PHAF1: variants seen among roughly 807,000 people sequenced by gnomAD.
PHAF1 encodes the protein phagosome assembly factor 1.
PHAF1 carries 23 observed loss-of-function variants against 63.1 expected under a neutral mutation model. The ratio of observed to expected loss-of-function variants is 0.36; its 90% CI spans 0.26 to 0.52. The LOEUF (loss-of-function observed/expected upper bound fraction) is 0.52, where lower values mean the gene tolerates loss of function less well. Ranked by LOEUF, PHAF1 falls within the 20% of genes least tolerant of loss-of-function variation. PHAF1 has a pLI of 0.93. For synonymous variants in PHAF1, 167 were observed against 185.0 expected, an observed-to-expected ratio of 0.90 and a Z score of 0.79; for missense variants, 427 against 517.2, an observed-to-expected ratio of 0.83 and a Z score of 1.69.
chr16:67,134,328 C>T (rs764787769), intron 7 of PHAF1, 27 bp from the exon 8 acceptor site: 6 of 1,608,114 alleles, frequency 3.7e-6, no homozygotes, highest in Non-Finnish European at 4.3e-6. Flanking sequence ...AGAACCAAGC[C>T]TCTGCTCATT....
chr16:67,125,377 G>A (rs1963147551), intron 2 of PHAF1, among the ~76,000 whole-genome samples: 1 of 152,150 alleles, frequency 6.6e-6, no homozygotes, highest in South Asian at 2.1e-4. Flanking sequence ...TGGGGGGAGA[G>A]AGAAAAAGGA....
intron 6 of PHAF1, among the ~76,000 whole-genome samples, chr16:67,133,704 C>T (rs369212597): frequency 5.3e-5 from 8 of 150,662 alleles, no homozygotes; most frequent in East Asian, 3.9e-4. Flanking sequence ...GGCGTGAACC[C>T]GGGAGGCGGA....
chr16:67,136,942 G>A (rs1413778051), intron 8 of PHAF1, among the ~76,000 whole-genome samples: 1 of 152,134 alleles, frequency 6.6e-6, no homozygotes, highest in Non-Finnish European at 1.5e-5. Context: ...GGATCACGAG[G>A]TCAGGAGATT....
At chr16:67,110,466 C>T (rs1187547216) in intron 1 of PHAF1, among the ~76,000 whole-genome samples, 1 of 152,130 alleles carries the variant, frequency 6.6e-6, no homozygotes, top group African/African-American at 2.4e-5. Flanking sequence ...GACGGTGGAA[C>T]AGTAGTAGTA....
At chr16:67,120,401 T>C (rs1962924340) in intron 2 of PHAF1, among the ~76,000 whole-genome samples, 1 of 151,824 alleles carries the variant, frequency 6.6e-6, no homozygotes, top group South Asian at 2.1e-4. Flanking sequence ...GGAAGAGCGG[T>C]AGTAATTGAA....
chr16:67,120,885 G>C (rs1962942624), intron 2 of PHAF1, among the ~76,000 whole-genome samples: 1 of 152,092 alleles, frequency 6.6e-6, no homozygotes. Flanking sequence ...GCAAATGACA[G>C]CTTATTTCTG....
At chr16:67,131,214 T>A in intron 3 of PHAF1, 72 bp from the exon 4 acceptor site, 16 of 701,000 alleles carry the variant, frequency 2.3e-5, no homozygotes, top group Non-Finnish European at 3.5e-5. Flanking sequence ...ATTTATTCTA[T>A]AAATGTATTT....
At position 67,145,385 on chromosome 16, in the gene PHAF1, A is replaced by T; in HGVS notation, c.1016A>T (p.Asp339Val). 6.2e-7 allele frequency: 1 copy of T among 1,614,158 alleles called. No individual in the cohort carries two copies. Among genetic ancestry groups the T allele is most frequent in the Non-Finnish European group, 8.5e-7 (1 of 1,180,018 alleles). ...TGTCTTCTCTTTTCAGAAAACGCAGATGGTCAGACAGAAACATGCACGACC... is the reference window on the plus strand; with the variant it reads ...TGTCTTCTCTTTTCAGAAAACGCAGTTGGTCAGACAGAAACATGCACGACC... Reference protein sequence around the residue: ...IPLAIKKENADGQTETCTTYS... With the variant: ...IPLAIKKENAVGQTETCTTYS... The change falls in exon 13 of 16, where the codon GAT (aspartate) becomes GTT (valine). Residue 339 changes from aspartate to valine, a missense_variant. By Grantham distance (152) the Asp-to-Val change is radical. Coordinates refer to ENST00000219139, the MANE Select transcript of PHAF1 (RefSeq NM_025187.5).
chr16:67,133,672 T>C (rs1404798301), intron 6 of PHAF1, among the ~76,000 whole-genome samples: 1 of 150,850 alleles, frequency 6.6e-6, no homozygotes, highest in Non-Finnish European at 1.5e-5. Context: ...CCCAGCTACT[T>C]GGGAGGCTGA....
At position 67,147,306 on chromosome 16, in the gene PHAF1, AT is replaced by A. The variant is rs2030186801; in HGVS notation, c.*176del. The A allele has an allele frequency of 1.7e-6, 1 of 592,390 alleles. No individual in the cohort carries two copies. 36.7% of individuals were successfully genotyped at this position (592,390 alleles called of 1,614,324 possible). On this transcript the variant is annotated 3_prime_UTR_variant, in exon 16 of 16. Coordinates refer to ENST00000219139, the MANE Select transcript of PHAF1 (RefSeq NM_025187.5). ...CTCTGCCATGGGCTGAGTGGCCCAG[AT>A]ATTCTTCTGTCCATCTTTGGCCTGC...
In PHAF1 at chr16:67,139,991, A is replaced by G; in HGVS notation, c.669A>G (p.Gly223=). ...LRLRLLAAGC[G]PGLLADAKMR... ...CTGTCTTGTTTTTTGCAGGTTGTGG[A>G]CCTGGCCTATTAGCAGATGCCAAGA... The change falls in exon 9 of 16, where the codon GGA becomes GGG. Residue 223 remains glycine (G), a synonymous_variant. Coordinates refer to ENST00000219139, the MANE Select transcript of PHAF1 (RefSeq NM_025187.5). 2 of 1,613,976 alleles carry G rather than the reference A, an allele frequency of 1.2e-6. No individual in the cohort carries two copies. Among genetic ancestry groups the G allele is most frequent in the Non-Finnish European group, 1.7e-6 (2 of 1,179,974 alleles).
At position 67,132,580 on chromosome 16, in the gene PHAF1, A is replaced by G. The variant is rs569581781; in HGVS notation, c.355+55A>G. 3.5e-5 allele frequency: 54 copies of G among 1,555,282 alleles called. No individual in the cohort carries two copies. In the East Asian group the frequency reaches 9.9e-4, roughly 28 times the overall value. ...CATCAGTGGCAGTTCATAGCAATAA[A>G]CCTGCCCGGTAGTGCCATCCCACCC... is the stretch of plus-strand genomic sequence containing the variant. On this transcript the variant is annotated intron_variant, in intron 5 of 15. Transcript: ENST00000219139.
intron 5 of PHAF1, 58 bp from the exon 6 acceptor site, chr16:67,132,759 G>A: frequency 6.8e-7 from 1 of 1,462,398 alleles, no homozygotes; most frequent in Non-Finnish European, 9.6e-7. Context: ...GCTGGTTTAT[G>A]TTAGCCATTT....
chr16:67,127,918 G>GT (rs775482474), intron 3 of PHAF1, among the ~76,000 whole-genome samples: 3 of 152,164 alleles, frequency 2.0e-5, no homozygotes, highest in Non-Finnish European at 2.9e-5. Flanking sequence ...CTGGGGGAAG[G>GT]TAACGGTATT....
At chr16:67,119,069 C>T (rs1255981215) in intron 1 of PHAF1, among the ~76,000 whole-genome samples, 2 of 152,154 alleles carry the variant, frequency 1.3e-5, no homozygotes, top group Non-Finnish European at 2.9e-5. Context: ...AGCCACCACA[C>T]CCAGTCCTGA....
intron 1 of PHAF1, among the ~76,000 whole-genome samples, chr16:67,117,760 G>A (rs1179846297): frequency 1.4e-5 from 2 of 147,944 alleles, no homozygotes; most frequent in African/African-American, 2.5e-5. Flanking sequence ...ACTTCAGACT[G>A]CGTCTCAAAA....
chr16:67,120,117 C>G lies in PHAF1; in HGVS notation c.70C>G (p.Pro24Ala), dbSNP rs762048342. ...GGTGTCTTGCTTTATTTCAGGAATGCCTCTGGCTCAGGCAGTAGCCATTCT... is the reference window on the plus strand; with the variant it reads ...GGTGTCTTGCTTTATTTCAGGAATGGCTCTGGCTCAGGCAGTAGCCATTCT... ...NEQWEFTLGM[P>A]LAQAVAILQK... Residue 24 changes from proline (P) to alanine (A), a missense_variant, in exon 2 of 16, where the codon CCT becomes GCT. Coordinates refer to ENST00000219139, the MANE Select transcript of PHAF1 (RefSeq NM_025187.5). The G allele has an allele frequency of 1.9e-6, 3 of 1,613,546 alleles. No individual in the cohort carries two copies. The Admixed American group carries it at 5.0e-5, about 27-fold the overall frequency.
At chr16:67,132,796 C>T in intron 5 of PHAF1, 21 bp from the exon 6 acceptor site, 2 of 1,580,522 alleles carry the variant, frequency 1.3e-6, no homozygotes, top group Non-Finnish European at 1.7e-6. Flanking sequence ...ATGTTATTTT[C>T]TTCTCCCCCA....
chr16:67,125,765 G>T (rs543628901), intron 2 of PHAF1, among the ~76,000 whole-genome samples, 194 bp from the exon 3 acceptor site: 1 of 152,308 alleles, frequency 6.6e-6, no homozygotes, highest in South Asian at 2.1e-4. Flanking sequence ...AACAGCAGCT[G>T]CAGGCTAGAA....
Sources: allele counts gnomAD v4.1 joint callset (sites outside exome capture counted in the v4.1 genomes callset), GRCh38; gene constraint gnomAD v4.1.1; transcripts MANE v1.5; gene names NCBI Gene and HGNC (gene_info 2026-07-23, HGNC 2026-07-21).